LIG1: variants seen among roughly 807,000 people sequenced by gnomAD.
LIG1 encodes the protein DNA ligase 1.
In LIG1, 70 loss-of-function variants were observed where a neutral mutation model predicts 115.7. The observed-to-expected ratio is 0.60, with a 90% CI of 0.50 to 0.74. LIG1 has a LOEUF of 0.74. Among genes scored for constraint, LIG1 ranks in the 30% least tolerant of loss-of-function variants. LIG1 has a pLI of 0.00. For missense variants in LIG1, 1,115 were observed against 1,225.6 expected (o/e 0.91, Z 1.35); for synonymous variants, 487 against 495.3 (o/e 0.98, Z 0.22).
intron 21 of LIG1, among the ~76,000 whole-genome samples, chr19:48,126,318 A>AACACTC (rs2033665148): frequency 6.6e-6 from 1 of 151,888 alleles, no homozygotes; most frequent in African/African-American, 2.4e-5. Context: ...CTTAAAAATT[A>AACACTC]TTCAAGGCCA....
chr19:48,168,047 C>T (rs547797743), intron 1 of LIG1, among the ~76,000 whole-genome samples: 1 of 152,166 alleles, frequency 6.6e-6, no homozygotes, highest in African/African-American at 2.4e-5. Context: ...TTGACATTCT[C>T]AATTATACTG....
intron 9 of LIG1, among the ~76,000 whole-genome samples, 185 bp downstream of exon 9, chr19:48,149,578 G>T (rs3730912): frequency 0.16 from 23,703 of 152,154 alleles, 2,167 homozygotes; most frequent in African/African-American, 0.26. Context: ...TGGGATCTAA[G>T]AATGGTTTTG....
chr19:48,137,754 C>A lies in LIG1; in HGVS notation c.1088-66G>T. ...TTGTGGCTGCGTGTCTCCCTTCTCTCGCGGCCTGGATGAATTTTCTCCAGC... is the reference window on the plus strand; with the variant it reads ...TTGTGGCTGCGTGTCTCCCTTCTCTAGCGGCCTGGATGAATTTTCTCCAGC... On this transcript the variant is annotated intron_variant, in intron 12 of 27. Coordinates refer to ENST00000263274, the MANE Select transcript of LIG1 (RefSeq NM_000234.3). The surrounding 1 kb of genome is among the most constrained non-coding windows in gnomAD (Gnocchi z 4.3). The A allele has an allele frequency of 6.3e-7, 1 of 1,575,676 alleles. No homozygotes were observed. Among genetic ancestry groups the A allele is most frequent in the Non-Finnish European group, 8.6e-7 (1 of 1,164,288 alleles).
intron 11 of LIG1, 120 bp from the exon 12 acceptor site, chr19:48,140,263 T>C: frequency 1.4e-6 from 1 of 698,254 alleles, no homozygotes; most frequent in East Asian, 2.7e-5. Flanking sequence ...AGGAAAGGGC[T>C]CAGAACAGTC....
chr19:48,137,829 C>G lies in LIG1; in HGVS notation c.1088-141G>C. On this transcript the variant is annotated intron_variant, in intron 12 of 27. Transcript: ENST00000263274. This position sits in a 1 kb window ranked among gnomAD's most constrained non-coding sequence, Gnocchi z 4.3. ...GCACCTCCCTGTGTCTAACGCTCAC[C>G]CACTTGGTAGAAATGGCTTGGGGAA... is the stretch of plus-strand genomic sequence containing the variant. The G allele has an allele frequency of 9.4e-7, 1 of 1,067,946 alleles. No individual in the cohort carries two copies. The highest frequency in any genetic ancestry group is 1.4e-5 in the South Asian group (1 of 69,274). The allele number at this position is 1,067,946 out of a possible 1,614,324, so 66.2% of individuals were successfully genotyped here.
chr19:48,161,877 G>A (rs1300199752), intron 3 of LIG1, among the ~76,000 whole-genome samples: 1 of 141,998 alleles, frequency 7.0e-6, no homozygotes, highest in African/African-American at 2.6e-5. Flanking sequence ...CCAGGCTGGA[G>A]TGCAGTGGGC....
At chr19:48,143,172 G>C (rs532430217) in intron 11 of LIG1, among the ~76,000 whole-genome samples, 2 of 152,298 alleles carry the variant, frequency 1.3e-5, no homozygotes, top group African/African-American at 4.8e-5. Flanking sequence ...CTATAACTGA[G>C]ACCTCACCTT....
At chr19:48,165,709 G>T (rs200555066) in intron 1 of LIG1, 86 bp from the exon 2 acceptor site, 7 of 785,378 alleles carry the variant, frequency 8.9e-6, no homozygotes, top group East Asian at 5.4e-5. Flanking sequence ...AAGAAAGAAA[G>T]AAAAAAAAAA....
At chr19:48,132,124 G>C (rs2034065237) in intron 18 of LIG1, among the ~76,000 whole-genome samples, 1 of 151,884 alleles carries the variant, frequency 6.6e-6, no homozygotes, top group Non-Finnish European at 1.5e-5. Flanking sequence ...TTTTAGTAGA[G>C]ATGGGGTTTC....
chr19:48,131,145 C>T lies in LIG1; in HGVS notation c.1752G>A (p.Val584=), dbSNP rs2033996193. 4 of 1,614,028 alleles carry T rather than the reference C, an allele frequency of 2.5e-6. No homozygotes were observed. In the South Asian group the frequency reaches 3.3e-5, roughly 13 times the overall value. ...AQIHALEGGE[V]KIFSRNQEDN... is the part of the protein sequence containing the mutation. The stretch of plus-strand genomic sequence containing the variant: ...CTTCCTGATTCCTGCTGAAGATCTT[C>T]ACCTCCCCGCCTTCCAGGGCGTGGA... The change falls in exon 19 of 28, where the codon GTG becomes GTA. Residue 584 remains valine, a synonymous_variant. Transcript: ENST00000263274.
chr19:48,117,433 T>C (rs1187664442), intron 26 of LIG1, among the ~76,000 whole-genome samples: 2 of 152,260 alleles, frequency 1.3e-5, no homozygotes, highest in Non-Finnish European at 2.9e-5. Context: ...GTGCTGGGAT[T>C]ACAGGCACGA....
At position 48,143,948 on chromosome 19, in the gene LIG1, A is replaced by C; in HGVS notation, c.792T>G (p.Ser264=). Residue 264 remains serine (S), a synonymous_variant, in exon 10 of 28, where the codon TCT becomes TCG. Transcript: ENST00000263274. ...EGAAEGPLDP[S]GYNPAKNNYH... is the part of the protein sequence containing the mutation. ...AGTTGTTCTTGGCAGGATTGTAACCAGATGGATCCAGGGGTCTACGGAGGC... is the reference window on the plus strand; with the variant it reads ...AGTTGTTCTTGGCAGGATTGTAACCCGATGGATCCAGGGGTCTACGGAGGC... 8.1e-6 allele frequency: 13 copies of C among 1,614,032 alleles called. No individual in the cohort carries two copies. The highest frequency in any genetic ancestry group is 1.0e-5 in the Non-Finnish European group (12 of 1,179,894).
chr19:48,160,537 G>A (rs1444635596), intron 4 of LIG1, among the ~76,000 whole-genome samples: 1 of 152,090 alleles, frequency 6.6e-6, no homozygotes, highest in Non-Finnish European at 1.5e-5. Flanking sequence ...AATACCAGGG[G>A]GTTTGGGCAG....
chr19:48,139,938 C>T lies in LIG1; in HGVS notation c.1087+33G>A, dbSNP rs748535130. 23 of 1,612,144 alleles carry T rather than the reference C, an allele frequency of 1.4e-5. No homozygotes were observed. The South Asian group carries it at 2.5e-4, about 18-fold the overall frequency. On this transcript the variant is annotated intron_variant, in intron 12 of 27. Coordinates refer to ENST00000263274, the MANE Select transcript of LIG1 (RefSeq NM_000234.3). ...GCATTTTCTCTGGCTGAGCTCCTGT[C>T]CTTCTGGTCCCTCCAACCACAGTCC...
intron 23 of LIG1, 92 bp from the exon 24 acceptor site, chr19:48,121,414 G>A: frequency 8.1e-7 from 1 of 1,238,596 alleles, no homozygotes; most frequent in Non-Finnish European, 1.1e-6. Context: ...ACTGAGGAGG[G>A]ACTAGAAGTA....
chr19:48,116,172 G>A (rs1302199408), intron 26 of LIG1: 11 of 577,336 alleles, frequency 1.9e-5, no homozygotes, highest in African/African-American at 7.4e-5. Context: ...GGCCGGGTGC[G>A]GTGGCTCACC....
rs2034634890 is a variant in LIG1, at chr19:48,139,967, T to A, written c.1087+4A>T. On this transcript the variant is annotated splice_donor_region_variant and intron_variant, in intron 12 of 27. Coordinates refer to ENST00000263274, the MANE Select transcript of LIG1 (RefSeq NM_000234.3). The stretch of plus-strand genomic sequence containing the variant: ...CTGGTCCCTCCAACCACAGTCCCCC[T>A]TACCTGTGGCCTGGGCCACTGCCTT... The A allele has an allele frequency of 1.2e-6, 2 of 1,614,060 alleles. No individual in the cohort carries two copies. Among genetic ancestry groups the A allele is most frequent in the Non-Finnish European group, 8.5e-7 (1 of 1,179,980 alleles).
chr19:48,133,335 C>G, intron 17 of LIG1: 2 of 549,302 alleles, frequency 3.6e-6, no homozygotes, highest in Non-Finnish European at 6.6e-6. Context: ...CAATGTCTGG[C>G]TCACATCCTT....
At chr19:48,170,013 G>A (rs2036719973) in intron 1 of LIG1, 1 of 318,824 alleles carries the variant, frequency 3.1e-6, no homozygotes, top group Non-Finnish European at 6.1e-6. Flanking sequence ...AACTGTCTCT[G>A]TCTCTCGTCT....
Sources: allele counts gnomAD v4.1 joint callset (sites outside exome capture counted in the v4.1 genomes callset), GRCh38; gene constraint gnomAD v4.1.1; non-coding constraint Gnocchi (gnomAD v3.1); transcripts MANE v1.5; gene names NCBI Gene and HGNC (gene_info 2026-07-23, HGNC 2026-07-21).